FBXW7: variants seen among roughly 807,000 people sequenced by gnomAD.
FBXW7 encodes F-box/WD repeat-containing protein 7.
A neutral mutation model predicts 86.3 loss-of-function variants in FBXW7; 11 were observed. The observed-to-expected ratio is 0.13, with a 90% CI of 0.08 to 0.21. FBXW7 has a LOEUF of 0.21. Among genes scored for constraint, FBXW7 ranks in the 10% least tolerant of loss-of-function variants. The pLI is 1.00. For synonymous variants in FBXW7, 313 were observed against 297.9 expected (o/e 1.05, Z -0.52); for missense variants, 488 against 847.4 (o/e 0.58, Z 5.27).
Position 152,534,986 on chromosome 4 carries a change from T to C in FBXW7, c.-165A>G, listed in dbSNP as rs1750375088. Reference sequence around the variant, plus strand: ...GCGCCGAGAAAGTGGGTTGGTTCCCTTCCTCCTTCGGACTGAAGCGGCAGC... The same window carrying C: ...GCGCCGAGAAAGTGGGTTGGTTCCCCTCCTCCTTCGGACTGAAGCGGCAGC... On this transcript the variant is annotated 5_prime_UTR_variant, in exon 2 of 14. Coordinates refer to ENST00000281708, the MANE Select transcript of FBXW7 (RefSeq NM_001349798.2). 3 of 152,180 alleles carry C rather than the reference T, an allele frequency of 2.0e-5. No individual in the cohort carries two copies. The South Asian group carries it at 6.2e-4, about 32-fold the overall frequency. 9.4% of individuals were successfully genotyped at this position (152,180 alleles called of 1,614,324 possible). A position where few individuals can be genotyped will look rare whatever the true frequency, so the allele number is the denominator to read the frequency against.
At chr4:152,475,049 A>C (rs1401260080) in intron 2 of FBXW7, among the ~76,000 whole-genome samples, 4 of 151,864 alleles carry the variant, frequency 2.6e-5, no homozygotes, top group Admixed American at 2.6e-4. Context: ...TTGAGTGAGC[A>C]GAGATTGTGG....
At chr4:152,437,693 G>A (rs913863056) in intron 2 of FBXW7, among the ~76,000 whole-genome samples, 3 of 152,116 alleles carry the variant, frequency 2.0e-5, no homozygotes, top group Admixed American at 6.5e-5. Context: ...CAGAGAAATC[G>A]TTCATGACAG....
intron 2 of FBXW7, among the ~76,000 whole-genome samples, chr4:152,520,075 T>G (rs1161995436): frequency 6.6e-6 from 1 of 152,224 alleles, no homozygotes; most frequent in Non-Finnish European, 1.5e-5. Flanking sequence ...TCTACATTCT[T>G]ATCTTCTAGA....
At chr4:152,448,997 G>A (rs533221816) in intron 2 of FBXW7, among the ~76,000 whole-genome samples, 186 of 152,170 alleles carry the variant, frequency 1.2e-3, no homozygotes, top group Non-Finnish European at 2.1e-3. Context: ...AAATGCACAC[G>A]ATTTCAACAA....
At chr4:152,359,699 G>A (rs1732743517) in intron 4 of FBXW7, among the ~76,000 whole-genome samples, 1 of 152,026 alleles carries the variant, frequency 6.6e-6, no homozygotes, top group Non-Finnish European at 1.5e-5. Context: ...GAAGGCAGAG[G>A]TTGCAGTGAG....
intron 2 of FBXW7, among the ~76,000 whole-genome samples, chr4:152,465,433 C>G (rs1386252907): frequency 6.6e-6 from 1 of 152,164 alleles, no homozygotes; most frequent in Non-Finnish European, 1.5e-5. Context: ...CTTTTCCTTA[C>G]TGTCATCACA....
chr4:152,382,592 T>A (rs1487825531), intron 4 of FBXW7: 1 of 697,996 alleles, frequency 1.4e-6, no homozygotes, highest in Non-Finnish European at 1.8e-6. Flanking sequence ...CTCCTGCCAG[T>A]CAAACAGCTG....
At chr4:152,504,041 C>T (rs1010250406) in intron 2 of FBXW7, among the ~76,000 whole-genome samples, 1 of 152,158 alleles carries the variant, frequency 6.6e-6, no homozygotes, top group African/African-American at 2.4e-5. Flanking sequence ...AATGTCAACT[C>T]TGATTTTAGA....
intron 2 of FBXW7, among the ~76,000 whole-genome samples, chr4:152,413,638 T>A (rs1488446968): frequency 6.6e-6 from 1 of 152,132 alleles, no homozygotes; most frequent in South Asian, 2.1e-4. Flanking sequence ...TACTGCCTTC[T>A]TTTCCAAAAC....
At position 152,392,294 on chromosome 4, in the gene FBXW7, G is replaced by A. The variant is rs1736059167; in HGVS notation, c.501+19009C>T. Among the ~76,000 whole-genome samples the A allele has an allele frequency of 5.9e-5, 9 of 152,066 alleles. 1 individual carries two copies. In the South Asian group the frequency reaches 1.7e-3, roughly 28 times the overall value. On this transcript the variant is annotated intron_variant, in intron 4 of 13. Coordinates refer to ENST00000281708, the MANE Select transcript of FBXW7 (RefSeq NM_001349798.2). ...TTAGAGATAGTAAAAATGGTATCATGTGACTTCACAGGCTGAGTCATAAAA... is the reference window on the plus strand; with the variant it reads ...TTAGAGATAGTAAAAATGGTATCATATGACTTCACAGGCTGAGTCATAAAA...
chr4:152,365,111 T>C (rs1733350886), intron 4 of FBXW7, among the ~76,000 whole-genome samples: 1 of 152,120 alleles, frequency 6.6e-6, no homozygotes, highest in Admixed American at 6.6e-5. Flanking sequence ...GTCTGTGGGT[T>C]CACAGAAGGC....
chr4:152,329,310 C>T (rs1193994624), intron 10 of FBXW7, among the ~76,000 whole-genome samples: 1 of 151,818 alleles, frequency 6.6e-6, no homozygotes, highest in African/African-American at 2.4e-5. Context: ...TATCCCTCAA[C>T]CATACTTTTG....
Position 152,338,040 on chromosome 4 carries a change from A to G in FBXW7, c.727-104T>C, listed in dbSNP as rs1730337216. On this transcript the variant is annotated intron_variant, in intron 6 of 13. Transcript: ENST00000281708. ...ACACACAACCATAGTTGATCAGGGT[A>G]GAACTGTATAAAAAGTGGCTCCTTA... 4 of 1,106,674 alleles carry G rather than the reference A, an allele frequency of 3.6e-6. No homozygotes were observed. The African/African-American group carries it at 4.8e-5, about 13-fold the overall frequency. 68.6% of individuals were successfully genotyped at this position (1,106,674 alleles called of 1,614,324 possible).
At chr4:152,461,441 G>GT (rs1282629124) in intron 2 of FBXW7, among the ~76,000 whole-genome samples, 2 of 152,042 alleles carry the variant, frequency 1.3e-5, no homozygotes, top group East Asian at 1.9e-4. Flanking sequence ...ATTTTATTAT[G>GT]TTTTTTCCCA....
At position 152,413,701 on chromosome 4, in the gene FBXW7, A is replaced by G. The variant is rs1202563455; in HGVS notation, c.-119-1172T>C. 3.3e-5 allele frequency among the ~76,000 whole-genome samples: 5 copies of G among 152,272 alleles called. No homozygotes were observed. In the South Asian group the frequency reaches 1.0e-3, roughly 32 times the overall value. On this transcript the variant is annotated intron_variant, in intron 2 of 13. Coordinates refer to ENST00000281708, the MANE Select transcript of FBXW7 (RefSeq NM_001349798.2). ...TTACTCTAAAACAAATTATTTGCTGAGCATTCAATATGCTTCCTGTACATG... is the reference window on the plus strand; with the variant it reads ...TTACTCTAAAACAAATTATTTGCTGGGCATTCAATATGCTTCCTGTACATG...
At chr4:152,367,877 T>C (rs1230944717) in intron 4 of FBXW7, among the ~76,000 whole-genome samples, 1 of 152,026 alleles carries the variant, frequency 6.6e-6, no homozygotes, top group African/African-American at 2.4e-5. Flanking sequence ...GTGACAGTAT[T>C]AATGCTTTTA....
chr4:152,466,776 A>G (rs1241321358), intron 2 of FBXW7, among the ~76,000 whole-genome samples: 2 of 151,740 alleles, frequency 1.3e-5, no homozygotes, highest in Admixed American at 1.3e-4. Flanking sequence ...TGCCATCTCT[A>G]CTAAAAATAC....
At chr4:152,465,674 T>G (rs1038264836) in intron 2 of FBXW7, among the ~76,000 whole-genome samples, 1 of 151,590 alleles carries the variant, frequency 6.6e-6, no homozygotes, top group Non-Finnish European at 1.5e-5. Context: ...TGAGACCCCA[T>G]CTCTACTAAA....
chr4:152,464,158 T>C (rs762768801), intron 2 of FBXW7, among the ~76,000 whole-genome samples: 8 of 152,118 alleles, frequency 5.3e-5, no homozygotes, highest in East Asian at 1.9e-4. Flanking sequence ...TGAACACTAG[T>C]AGAAATAATA....
Sources: allele counts gnomAD v4.1 joint callset (sites outside exome capture counted in the v4.1 genomes callset), GRCh38; gene constraint gnomAD v4.1.1; transcripts MANE v1.5; gene names NCBI Gene and HGNC (gene_info 2026-07-23, HGNC 2026-07-21).